CALCOCO2: variants seen among roughly 807,000 people sequenced by gnomAD.
CALCOCO2 encodes calcium-binding and coiled-coil domain-containing protein 2.
Under a neutral mutation model 62.5 loss-of-function variants are expected in CALCOCO2, and 42 were observed. The observed-to-expected ratio is 0.67, with a 90% CI of 0.53 to 0.87. The LOEUF (loss-of-function observed/expected upper bound fraction) is 0.87, where lower values mean the gene tolerates loss of function less well. Among genes scored for constraint, CALCOCO2 ranks in the 40% least tolerant of loss-of-function variants. CALCOCO2 has a pLI of 0.00. For missense variants in CALCOCO2, 456 were observed against 515.0 expected, an observed-to-expected ratio of 0.89 and a Z score of 1.11; for synonymous variants, 167 against 173.0, an observed-to-expected ratio of 0.97 and a Z score of 0.27.
At chr17:48,858,368 T>A (rs1029392164) in intron 10 of CALCOCO2, among the ~76,000 whole-genome samples, 15 of 152,142 alleles carry the variant, frequency 9.9e-5, no homozygotes, top group African/African-American at 3.6e-4. Flanking sequence ...CTTGCTCTGT[T>A]ATCCAGGCTG....
chr17:48,858,873 A>G (rs1324823840), intron 10 of CALCOCO2, among the ~76,000 whole-genome samples: 1 of 151,424 alleles, frequency 6.6e-6, no homozygotes, highest in Non-Finnish European at 1.5e-5. Context: ...GTGAAACCTC[A>G]TCTCTACTAA....
Position 48,852,572 on chromosome 17 carries a change from C to A in CALCOCO2, c.769C>A (p.Gln257Lys), listed in dbSNP as rs765035701. 2 of 1,611,894 alleles carry A rather than the reference C, an allele frequency of 1.2e-6. No homozygotes were observed. Among genetic ancestry groups the A allele is most frequent in the Non-Finnish European group, 1.7e-6 (2 of 1,178,128 alleles). Residue 257 changes from glutamine (Q) to lysine (K), a missense_variant, in exon 8 of 13, where the codon CAG becomes AAG. By Grantham distance (53) the Gln-to-Lys change is moderately conservative (BLOSUM62 1). Around this residue, in one of 3 missense-constraint regions of CALCOCO2, gnomAD observed 236 missense variants for 225.3 expected, o/e 1.05. Transcript: ENST00000258947. ...TCAGGGAGATCAAGATAAGACAGAG[C>A]AGTTAGAGCAGCTGAAAAAGGAAAA... is the stretch of plus-strand genomic sequence containing the variant. Reference protein sequence around the residue: ...LVQGDQDKTEQLEQLKKENDH... With the variant: ...LVQGDQDKTEKLEQLKKENDH...
chr17:48,837,189 A>G (rs1170476343), intron 1 of CALCOCO2, among the ~76,000 whole-genome samples: 1 of 152,196 alleles, frequency 6.6e-6, no homozygotes, highest in Non-Finnish European at 1.5e-5. Context: ...TGGCCTCCAT[A>G]TGACGGTAGA....
intron 2 of CALCOCO2, among the ~76,000 whole-genome samples, chr17:48,847,258 A>G (rs916766315): frequency 5.9e-5 from 9 of 152,140 alleles, no homozygotes; most frequent in African/African-American, 9.7e-5. Flanking sequence ...ATGCAGTAGT[A>G]TATCCAGGTT....
At chr17:48,858,385 A>G (rs953518683) in intron 10 of CALCOCO2, among the ~76,000 whole-genome samples, 1 of 151,772 alleles carries the variant, frequency 6.6e-6, no homozygotes, top group Non-Finnish European at 1.5e-5. Flanking sequence ...GCTGGAGTGC[A>G]GTGGCACCAT....
At chr17:48,862,739 C>A in intron 12 of CALCOCO2, 99 bp from the exon 13 acceptor site, 1 of 922,130 alleles carries the variant, frequency 1.1e-6, no homozygotes, top group Non-Finnish European at 1.7e-6. Flanking sequence ...ATGTGCCAGT[C>A]ATTATGCTAG....
At chr17:48,845,491 A>G (rs2040039786) in intron 2 of CALCOCO2, among the ~76,000 whole-genome samples, 1 of 151,096 alleles carries the variant, frequency 6.6e-6, no homozygotes, top group African/African-American at 2.4e-5. Context: ...GCACTTTAAG[A>G]GGCCGAGGCA....
intron 10 of CALCOCO2, among the ~76,000 whole-genome samples, chr17:48,860,022 A>G (rs2040305370): frequency 1.3e-5 from 2 of 152,166 alleles, no homozygotes; most frequent in African/African-American, 4.8e-5. Flanking sequence ...TGAACCTGGG[A>G]GACGGAGGTT....
intron 10 of CALCOCO2, among the ~76,000 whole-genome samples, chr17:48,857,931 C>A (rs535947097): frequency 6.8e-6 from 1 of 146,358 alleles, no homozygotes; most frequent in Admixed American, 7.0e-5. Context: ...GAGCCAAGAT[C>A]GTGCCACTGC....
chr17:48,851,803 A>C lies in CALCOCO2; in HGVS notation c.702+175A>C. Reference sequence around the variant, plus strand: ...CCATTCTTGGACCAGGTAAGCCTCCACCCTACCCATGCCCCTGCTTTTAAA... The same window carrying C: ...CCATTCTTGGACCAGGTAAGCCTCCCCCCTACCCATGCCCCTGCTTTTAAA... On this transcript the variant is annotated intron_variant, in intron 7 of 12. Transcript: ENST00000258947. The C allele has an allele frequency of 4.1e-5, 22 of 539,368 alleles. No homozygotes were observed. In the Middle Eastern group the frequency reaches 1.1e-3, roughly 28 times the overall value. The allele number at this position is 539,368 out of a possible 1,614,324, so 33.4% of individuals were successfully genotyped here.
chr17:48,856,061 T>A (rs2040210564), intron 9 of CALCOCO2, 31 bp from the exon 10 acceptor site: 1 of 1,197,760 alleles, frequency 8.3e-7, no homozygotes. Flanking sequence ...CAATATGTGA[T>A]CCTAATCCTA....
In CALCOCO2 at chr17:48,832,234, A is replaced by C. The variant is rs561248246; in HGVS notation, c.-11+1156A>C. On this transcript the variant is annotated intron_variant, in intron 1 of 12. Transcript: ENST00000258947. ...CATAGCAAAACGCTGTCTTTACTAA[A>C]AATACAAAAATTAGTGGAGCGTGGT... Among the ~76,000 whole-genome samples, 5 of 152,332 alleles carry C rather than the reference A, an allele frequency of 3.3e-5. No individual in the cohort carries two copies. The East Asian group carries it at 9.7e-4, about 29-fold the overall frequency.
intron 12 of CALCOCO2, 55 bp from the exon 13 acceptor site, chr17:48,862,783 C>T: frequency 2.0e-6 from 3 of 1,471,478 alleles, no homozygotes; most frequent in Non-Finnish European, 9.5e-7. Flanking sequence ...AGGATGGCCA[C>T]ATCTGTGCCA....
At chr17:48,854,396 ATT>A (rs1226127478) in intron 9 of CALCOCO2, among the ~76,000 whole-genome samples, 75 of 1,908 alleles carry the variant, frequency 0.039, 8 homozygotes, top group African/African-American at 0.061. Context: ...ATATATATAT[ATT>A]TTTTTTTTTT....
At chr17:48,841,069 A>T (rs1310627114) in intron 1 of CALCOCO2, among the ~76,000 whole-genome samples, 1 of 152,222 alleles carries the variant, frequency 6.6e-6, no homozygotes, top group Non-Finnish European at 1.5e-5. Context: ...ACAGATAAGG[A>T]AACAGGCACA....
At chr17:48,836,235 GT>G (rs1007355666) in intron 1 of CALCOCO2, among the ~76,000 whole-genome samples, 20 of 152,030 alleles carry the variant, frequency 1.3e-4, no homozygotes, top group Non-Finnish European at 2.6e-4. Context: ...GTTCCTTTTG[GT>G]TTTTTGGCAC....
chr17:48,852,227 T>C (rs573237586), intron 7 of CALCOCO2: 9 of 305,926 alleles, frequency 2.9e-5, no homozygotes, highest in South Asian at 2.9e-4. Context: ...GCTCTTAATA[T>C]AGATGACAAT....
At chr17:48,861,666 T>TAA (rs2040329712) in intron 11 of CALCOCO2, among the ~76,000 whole-genome samples, 1 of 119,236 alleles carries the variant, frequency 8.4e-6, no homozygotes, top group Non-Finnish European at 1.6e-5. Context: ...TGTGTGTATA[T>TAA]ATATATATAT....
chr17:48,852,281 G>A (rs542528599), intron 7 of CALCOCO2: 36 of 417,642 alleles, frequency 8.6e-5, no homozygotes, highest in Non-Finnish European at 1.4e-4. Context: ...AAGCAAAATC[G>A]TACTCAAAAG....
Sources: allele counts gnomAD v4.1 joint callset (sites outside exome capture counted in the v4.1 genomes callset), GRCh38; gene constraint gnomAD v4.1.1; regional missense constraint gnomAD v4.1.1; transcripts MANE v1.5; gene names NCBI Gene and HGNC (gene_info 2026-07-23, HGNC 2026-07-21).